Variants in CHIC2 observed in about 807,000 individuals in gnomAD.
The protein encoded by CHIC2 is cysteine rich hydrophobic domain 2.
A neutral mutation model predicts 25.9 loss-of-function variants in CHIC2; 14 were observed. The ratio of observed to expected loss-of-function variants is 0.54; its 90% CI spans 0.36 to 0.85. CHIC2 has a LOEUF of 0.85. Among genes scored for constraint, CHIC2 ranks in the 40% least tolerant of loss-of-function variants. The pLI is 0.01. For missense variants in CHIC2, 146 were observed against 202.0 expected (o/e 0.72, Z 1.68); for synonymous variants, 70 against 72.0 (o/e 0.97, Z 0.14).
At chr4:54,054,208 T>C (rs1357705155) in intron 1 of CHIC2, among the ~76,000 whole-genome samples, 4 of 152,250 alleles carry the variant, frequency 2.6e-5, no homozygotes, top group African/African-American at 4.8e-5. Flanking sequence ...CACTAATCAA[T>C]AGTTTTCTTG....
chr4:54,027,925 A>T (rs1490873502), intron 3 of CHIC2, among the ~76,000 whole-genome samples: 2 of 152,198 alleles, frequency 1.3e-5, no homozygotes, highest in African/African-American at 4.8e-5. Context: ...TATAAAAGCA[A>T]AACAGAAGCA....
At chr4:54,075,338 A>G in the CHIC2 span, among the ~76,000 whole-genome samples, 1 of 152,130 alleles carries the variant, frequency 6.6e-6, no homozygotes, top group Non-Finnish European at 1.5e-5. Flanking sequence ...CAGAAAACTA[A>G]ATACACGTTA....
At chr4:54,065,973 A>G (rs935977983), upstream of CHIC2, among the ~76,000 whole-genome samples, 9 of 152,220 alleles carry the variant, frequency 5.9e-5, no homozygotes, top group African/African-American at 1.9e-4. Flanking sequence ...ACAAATATCT[A>G]CTGAACTCTA....
At chr4:54,064,639 A>G, upstream of CHIC2, 1 of 1,077,748 alleles carries the variant, frequency 9.3e-7, no homozygotes, top group Non-Finnish European at 1.1e-6. The surrounding 1 kb of genome is among the most constrained non-coding windows in gnomAD (Gnocchi z 4.2). Context: ...CAGCGGGAGC[A>G]GCCGGCTACG....
intron 3 of CHIC2, among the ~76,000 whole-genome samples, chr4:54,022,207 G>T (rs1715920204): frequency 6.6e-6 from 1 of 152,114 alleles, no homozygotes; most frequent in Non-Finnish European, 1.5e-5. Flanking sequence ...GCCACTCCCA[G>T]AGCCCCTGGA....
rs544978944 is a variant in CHIC2 at position 54,036,822 on chromosome 4, T to C, written c.330+12133A>G. ...AAAAGAAAGGAAAGGAAGCTAAACA[T>C]ACACTGACATATGACCAAGGCATTC... On this transcript the variant is annotated intron_variant, in intron 3 of 5. Coordinates refer to ENST00000263921, the MANE Select transcript of CHIC2 (RefSeq NM_012110.4). 1.2e-4 allele frequency among the ~76,000 whole-genome samples: 15 copies of C among 122,064 alleles called. 1 individual carries two copies. The South Asian group carries it at 3.8e-3, about 31-fold the overall frequency. 80.1% of individuals were successfully genotyped at this position (122,064 alleles called of 152,430 possible). A position where few individuals can be genotyped will look rare whatever the true frequency, so the allele number is the denominator to read the frequency against.
At chr4:54,030,533 A>ATATAT (rs1337508207) in intron 3 of CHIC2, among the ~76,000 whole-genome samples, 2 of 118,212 alleles carry the variant, frequency 1.7e-5, no homozygotes, top group African/African-American at 6.6e-5. Flanking sequence ...GAAAAAAAAA[A>ATATAT]AAAAATATAT....
chr4:54,047,188 T>G (rs1249556653), intron 3 of CHIC2, among the ~76,000 whole-genome samples: 9 of 152,326 alleles, frequency 5.9e-5, no homozygotes, highest in African/African-American at 2.2e-4. Flanking sequence ...GGAACACTTT[T>G]ACACTGTTGG....
rs1577992167 is a variant in CHIC2, at chr4:54,064,558, A to G, written c.-258T>C. The G allele has an allele frequency of 1.5e-6, 2 of 1,301,436 alleles. No homozygotes were observed. Among genetic ancestry groups the G allele is most frequent in the African/African-American group, 1.6e-5 (1 of 63,910 alleles). 80.6% of individuals were successfully genotyped at this position (1,301,436 alleles called of 1,614,324 possible). On this transcript the variant is annotated 5_prime_UTR_variant, in exon 1 of 6. Transcript: ENST00000263921. This position sits in a 1 kb window ranked among gnomAD's most constrained non-coding sequence, Gnocchi z 4.2. ...CCGCCCAGAGGCCGACACCTCCACA[A>G]GCACAGACGCCGCTGCCGCCGCCGC...
chr4:54,072,541 T>A, the CHIC2 span, among the ~76,000 whole-genome samples: 3 of 152,056 alleles, frequency 2.0e-5, no homozygotes, highest in Admixed American at 1.3e-4. Context: ...CTACAATAAT[T>A]GTATTAAATA....
the CHIC2 span, among the ~76,000 whole-genome samples, chr4:54,089,414 TAC>T: frequency 8.5e-6 from 1 of 117,814 alleles, no homozygotes; most frequent in Non-Finnish European, 1.9e-5. Flanking sequence ...TATATATATA[TAC>T]ACACACATAT....
chr4:54,012,515 T>C (rs565980628), intron 5 of CHIC2, among the ~76,000 whole-genome samples: 1 of 152,246 alleles, frequency 6.6e-6, no homozygotes, highest in Non-Finnish European at 1.5e-5. Context: ...AATTTAGAAA[T>C]GCATGAAAAA....
Position 54,010,172 on chromosome 4 carries a change from A to G in CHIC2, c.448-27T>C, listed in dbSNP as rs1174628455. Reference sequence around the variant, plus strand: ...TGTAAAAGGAGAAGAAAAAGGTTTTAAAAGATTTAAACAAAATTTTTTCTT... The same window carrying G: ...TGTAAAAGGAGAAGAAAAAGGTTTTGAAAGATTTAAACAAAATTTTTTCTT... On this transcript the variant is annotated intron_variant, in intron 5 of 5. Transcript: ENST00000263921. 2.0e-6 allele frequency: 3 copies of G among 1,530,168 alleles called. No homozygotes were observed. In the Admixed American group the frequency reaches 5.6e-5, roughly 28 times the overall value. 94.8% of individuals were successfully genotyped at this position (1,530,168 alleles called of 1,614,324 possible).
At chr4:54,018,046 A>G (rs1414475016) in intron 3 of CHIC2, among the ~76,000 whole-genome samples, 1 of 152,188 alleles carries the variant, frequency 6.6e-6, no homozygotes, top group Non-Finnish European at 1.5e-5. Flanking sequence ...TTTGGCTTCT[A>G]TTTATATTGC....
intron 1 of CHIC2, among the ~76,000 whole-genome samples, chr4:54,059,250 C>T (rs992845266): frequency 6.6e-6 from 1 of 152,034 alleles, no homozygotes; most frequent in Non-Finnish European, 1.5e-5. Context: ...TGGGAAGCCA[C>T]GCATGGTGGT....
chr4:54,011,649 A>G (rs1327183388), intron 5 of CHIC2, among the ~76,000 whole-genome samples: 1 of 152,064 alleles, frequency 6.6e-6, no homozygotes, highest in African/African-American at 2.4e-5. Flanking sequence ...CACTTTTAAT[A>G]CATAACATAA....
intron 3 of CHIC2, among the ~76,000 whole-genome samples, chr4:54,048,003 G>A: frequency 6.6e-6 from 1 of 151,860 alleles, no homozygotes; most frequent in East Asian, 1.9e-4. Flanking sequence ...TTATTTGTTT[G>A]TTGAGACAGA....
chr4:54,014,071 AT>A lies in CHIC2; in HGVS notation c.378del (p.Leu126PhefsTer11). On this transcript the variant is annotated frameshift_variant, in exon 4 of 6. Transcript: ENST00000263921. LOFTEE classifies it high-confidence loss of function. ...CTCCCTGTGGTACTCACCTTGTGGTATAACCTATTGTTTTCCCATTCTAATA... is the reference window on the plus strand; with the variant it reads ...CTCCCTGTGGTACTCACCTTGTGGTAAACCTATTGTTTTCCCATTCTAATA... ...EKLLEWENNRLYHKLCLHWRL... is the reference protein window; with the variant it reads ...EKLLEWENNRXYHKLCLHWRL... The A allele has an allele frequency of 6.2e-7, 1 of 1,613,420 alleles. No homozygotes were observed. Among genetic ancestry groups the A allele is most frequent in the Non-Finnish European group, 8.5e-7 (1 of 1,179,564 alleles).
upstream of CHIC2, among the ~76,000 whole-genome samples, chr4:54,069,215 A>G (rs1717573002): frequency 6.6e-6 from 1 of 152,088 alleles, no homozygotes; most frequent in African/African-American, 2.4e-5. Flanking sequence ...TTTTGTAGAG[A>G]TGGGGTTTCA....
Sources: gnomAD v4.1 joint callset for allele counts (sites outside exome capture counted in the v4.1 genomes callset) on GRCh38, gnomAD v4.1.1 for gene constraint, Gnocchi (gnomAD v3.1) non-coding constraint, MANE v1.5 for transcripts, NCBI Gene and HGNC (gene_info 2026-07-23, HGNC 2026-07-21) for gene names.